Variants in SFI1 observed in about 807,000 individuals in gnomAD.
SFI1 encodes SFI1 centrin binding protein.
Under a neutral mutation model 207.5 loss-of-function variants are expected in SFI1, and 195 were observed. The ratio of observed to expected loss-of-function variants is 0.94; its 90% CI spans 0.84 to 1.06. SFI1 has a LOEUF of 1.06. SFI1 is among the 50% of genes least tolerant of loss of function. SFI1 has a pLI of 0.00. For synonymous variants in SFI1, 630 were observed against 598.9 expected (o/e 1.05, Z -0.76); for missense variants, 1,634 against 1,588.0 (o/e 1.03, Z -0.49).
chr22:31,561,249 T>C (rs1411975532), intron 7 of SFI1, 41 bp from the exon 8 acceptor site: 2 of 1,591,902 alleles, frequency 1.3e-6, no homozygotes, highest in Non-Finnish European at 1.7e-6. Flanking sequence ...CCTGAGTGGC[T>C]TTTTACTGAT....
intron 3 of SFI1, among the ~76,000 whole-genome samples, chr22:31,529,279 G>A (rs2058238483): frequency 6.6e-6 from 1 of 152,182 alleles, no homozygotes; most frequent in Admixed American, 6.5e-5. Flanking sequence ...CAGGTACGGT[G>A]GCTCACACCT....
chr22:31,601,201 G>A (rs2068047899), intron 15 of SFI1, among the ~76,000 whole-genome samples: 1 of 138,584 alleles, frequency 7.2e-6, no homozygotes, highest in Non-Finnish European at 1.5e-5. Context: ...TCGGCTCACT[G>A]CAAGCTCCGC....
chr22:31,562,149 A>G (rs2061775910), intron 8 of SFI1, among the ~76,000 whole-genome samples: 1 of 152,186 alleles, frequency 6.6e-6, no homozygotes, highest in Admixed American at 6.6e-5. Flanking sequence ...CTGTTTTTGT[A>G]AATAAAGTTT....
At chr22:31,540,162 A>T (rs974696593) in intron 4 of SFI1, among the ~76,000 whole-genome samples, 15 of 102,858 alleles carry the variant, frequency 1.5e-4, no homozygotes, top group Non-Finnish European at 2.6e-4. Flanking sequence ...GACAAAAGAG[A>T]TACCCTCTAA....
chr22:31,505,921 C>T (rs1315130320), intron 1 of SFI1, among the ~76,000 whole-genome samples: 3 of 151,522 alleles, frequency 2.0e-5, no homozygotes, highest in East Asian at 1.9e-4. Flanking sequence ...CATGGTGGCT[C>T]ATGCCTGTAA....
intron 14 of SFI1, among the ~76,000 whole-genome samples, chr22:31,585,914 C>T (rs1291898509): frequency 6.6e-6 from 1 of 152,142 alleles, no homozygotes; most frequent in East Asian, 1.9e-4. Context: ...CCAAACTCCT[C>T]CCAGTTATTT....
intron 15 of SFI1, among the ~76,000 whole-genome samples, chr22:31,599,420 A>G (rs2067746064): frequency 1.3e-5 from 2 of 151,640 alleles, no homozygotes; most frequent in African/African-American, 4.8e-5. Flanking sequence ...TTCGCCTCCC[A>G]GGTTTAAGCG....
intron 23 of SFI1, 131 bp downstream of exon 23, chr22:31,611,434 T>A: frequency 8.3e-7 from 1 of 1,206,726 alleles, no homozygotes. Context: ...GTGGGTGGTT[T>A]GGGGTCCTGT....
chr22:31,582,229 TATATATA>T (rs2064369971), intron 12 of SFI1, among the ~76,000 whole-genome samples: 1 of 51,052 alleles, frequency 2.0e-5, no homozygotes, highest in Admixed American at 2.2e-4. Flanking sequence ...TATATATATA[TATATATA>T]TTTTTTTTTT....
chr22:31,545,204 T>C (rs993869623), intron 4 of SFI1, among the ~76,000 whole-genome samples: 1 of 152,044 alleles, frequency 6.6e-6, no homozygotes, highest in Non-Finnish European at 1.5e-5. Context: ...CCATCTCTAC[T>C]AAAATTACAA....
intron 15 of SFI1, among the ~76,000 whole-genome samples, chr22:31,598,200 T>C (rs1302507179): frequency 6.6e-6 from 1 of 151,998 alleles, no homozygotes; most frequent in Admixed American, 6.6e-5. Flanking sequence ...TTAGCCAGAA[T>C]GGTCTGGATC....
At chr22:31,545,435 G>A (rs2059977866) in intron 4 of SFI1, among the ~76,000 whole-genome samples, 1 of 152,054 alleles carries the variant, frequency 6.6e-6, no homozygotes, top group Admixed American at 6.6e-5. Context: ...CAGCATTTTG[G>A]GAGGCTCAGG....
intron 1 of SFI1, among the ~76,000 whole-genome samples, chr22:31,497,668 ACGAAGC>A (rs1415343944): frequency 5.1e-4 from 7 of 13,720 alleles, no homozygotes; most frequent in Admixed American, 1.4e-3. Context: ...GCTAGAAATG[ACGAAGC>A]TAGAAATGAC....
At chr22:31,523,583 T>C (rs2057530640) in intron 2 of SFI1, among the ~76,000 whole-genome samples, 1 of 152,204 alleles carries the variant, frequency 6.6e-6, no homozygotes, top group African/African-American at 2.4e-5. Flanking sequence ...CGTTATCTCT[T>C]TTGATTCCCA....
intron 24 of SFI1, 162 bp downstream of exon 24, chr22:31,612,002 C>T: frequency 2.1e-6 from 3 of 1,422,478 alleles, no homozygotes; most frequent in Non-Finnish European, 2.8e-6. Context: ...TTTCCAGGCA[C>T]ATCAGCTTCC....
intron 4 of SFI1, among the ~76,000 whole-genome samples, chr22:31,531,577 T>C (rs2058528850): frequency 6.6e-6 from 1 of 151,920 alleles, no homozygotes; most frequent in Non-Finnish European, 1.5e-5. Flanking sequence ...CTGGCCAACC[T>C]GGTGAAACCC....
intron 17 of SFI1, 43 bp downstream of exon 17, chr22:31,602,828 C>T (rs368611296): frequency 4.2e-5 from 67 of 1,592,182 alleles, no homozygotes; most frequent in Middle Eastern, 2.2e-4. Context: ...CATCACAGGC[C>T]AGCTTTGCTT....
chr22:31,612,985 AT>A, intron 24 of SFI1, 156 bp from the exon 25 acceptor site: 1 of 686,628 alleles, frequency 1.5e-6, no homozygotes, highest in South Asian at 1.8e-5. Context: ...TGTGTTGAGC[AT>A]CTCACCGCCA....
intron 1 of SFI1, among the ~76,000 whole-genome samples, chr22:31,502,534 C>T (rs1024145453): frequency 2.6e-5 from 4 of 151,938 alleles, no homozygotes; most frequent in African/African-American, 7.3e-5. Flanking sequence ...CCACCATGCC[C>T]GGCTAATTTT....
Sources: allele counts gnomAD v4.1 joint callset (sites outside exome capture counted in the v4.1 genomes callset), GRCh38; gene constraint gnomAD v4.1.1; transcripts MANE v1.5; gene names NCBI Gene and HGNC (gene_info 2026-07-23, HGNC 2026-07-21).